Variants in ARHGAP15 observed in about 807,000 individuals in gnomAD.
The protein encoded by ARHGAP15 is Rho GTPase activating protein 15.
In ARHGAP15, 51 loss-of-function variants were observed where a neutral mutation model predicts 63.7. The observed-to-expected ratio is 0.80, with a 90% confidence interval of 0.64 to 1.01. The LOEUF is 1.01. Ranked by LOEUF, ARHGAP15 falls within the 50% of genes least tolerant of loss-of-function variation. The pLI, the probability that ARHGAP15 is intolerant of heterozygous loss-of-function variation, is 0.00. For synonymous variants in ARHGAP15, 191 were observed against 193.8 expected (o/e 0.99, Z 0.12); for missense variants, 560 against 564.6 (o/e 0.99, Z 0.08).
chr2:143,130,481 C>T (rs1170947576), intron 1 of ARHGAP15, among the ~76,000 whole-genome samples: 2 of 152,054 alleles, frequency 1.3e-5, no homozygotes, highest in Non-Finnish European at 2.9e-5. Flanking sequence ...GAAGTGATGG[C>T]CCCCACAACA....
chr2:143,464,355 G>A, intron 8 of ARHGAP15, among the ~76,000 whole-genome samples: 1 of 152,068 alleles, frequency 6.6e-6, no homozygotes, highest in East Asian at 1.9e-4. Context: ...ATAAAGAATA[G>A]ACTGAAAATA....
At chr2:143,173,911 T>C (rs1690906304) in intron 2 of ARHGAP15, among the ~76,000 whole-genome samples, 1 of 152,164 alleles carries the variant, frequency 6.6e-6, no homozygotes, top group South Asian at 2.1e-4. Flanking sequence ...TAATGGAATG[T>C]GCAAAATTAA....
intron 6 of ARHGAP15, among the ~76,000 whole-genome samples, chr2:143,346,942 T>G (rs984325533): frequency 6.6e-6 from 1 of 152,212 alleles, no homozygotes; most frequent in Non-Finnish European, 1.5e-5. Context: ...CTCTACAATT[T>G]GCTTCAGGGC....
intron 2 of ARHGAP15, among the ~76,000 whole-genome samples, chr2:143,198,485 A>C (rs1691977963): frequency 6.6e-6 from 1 of 151,996 alleles, no homozygotes; most frequent in African/African-American, 2.4e-5. Context: ...CTTTATTTTA[A>C]AATAAAATAT....
intron 6 of ARHGAP15, among the ~76,000 whole-genome samples, chr2:143,342,936 G>A (rs185218493): frequency 7.9e-5 from 12 of 151,816 alleles, no homozygotes; most frequent in East Asian, 3.9e-4. Flanking sequence ...CTACCTAACC[G>A]CATATATGTG....
chr2:143,377,461 A>G (rs867741787), intron 6 of ARHGAP15, among the ~76,000 whole-genome samples: 1 of 151,970 alleles, frequency 6.6e-6, no homozygotes, highest in East Asian at 1.9e-4. Flanking sequence ...CTATTATTAA[A>G]TATATTACAT....
chr2:143,634,844 C>A (rs1680222990), intron 12 of ARHGAP15, among the ~76,000 whole-genome samples: 1 of 152,094 alleles, frequency 6.6e-6, no homozygotes, highest in Non-Finnish European at 1.5e-5. Flanking sequence ...CCAAAGCCTA[C>A]CACTTTATTA....
At chr2:143,433,819 TC>T (rs779162255) in intron 6 of ARHGAP15, among the ~76,000 whole-genome samples, 17 of 152,152 alleles carry the variant, frequency 1.1e-4, no homozygotes, top group Non-Finnish European at 2.2e-4. Context: ...TTTGGCTAAT[TC>T]ATTTGTCTTT....
intron 10 of ARHGAP15, among the ~76,000 whole-genome samples, chr2:143,551,644 T>C (rs1204681610): frequency 6.6e-6 from 1 of 152,202 alleles, no homozygotes; most frequent in Admixed American, 6.5e-5. Context: ...AGTTATCCTA[T>C]AGAATAAAAT....
At chr2:143,190,807 A>G (rs903184040) in intron 2 of ARHGAP15, among the ~76,000 whole-genome samples, 2 of 152,112 alleles carry the variant, frequency 1.3e-5, no homozygotes, top group Admixed American at 1.3e-4. Flanking sequence ...TCATCCCCAC[A>G]ACTGCACCCC....
chr2:143,181,598 G>C (rs1691237136), intron 2 of ARHGAP15, among the ~76,000 whole-genome samples: 1 of 152,188 alleles, frequency 6.6e-6, no homozygotes, highest in African/African-American at 2.4e-5. Context: ...TAAACCTCAT[G>C]AACTAACCTC....
intron 12 of ARHGAP15, chr2:143,682,644 C>T (rs2105374156): frequency 6.6e-6 from 1 of 152,300 alleles, no homozygotes; most frequent in African/African-American, 2.4e-5. Context: ...TCCAGGATAT[C>T]TTCCAAGTCT....
intron 6 of ARHGAP15, among the ~76,000 whole-genome samples, chr2:143,400,324 C>T (rs527715000): frequency 3.3e-5 from 5 of 151,998 alleles, no homozygotes; most frequent in African/African-American, 1.2e-4. Flanking sequence ...GGTGGCTCTA[C>T]AGGAGGAGTT....
intron 6 of ARHGAP15, among the ~76,000 whole-genome samples, chr2:143,375,078 C>T (rs1686744179): frequency 6.6e-6 from 1 of 152,156 alleles, no homozygotes; most frequent in Admixed American, 6.5e-5. Context: ...ATATGTTAAT[C>T]ACAGATGTGG....
intron 12 of ARHGAP15, among the ~76,000 whole-genome samples, chr2:143,692,612 T>G (rs1996447): frequency 0.28 from 43,041 of 152,130 alleles, 7,502 homozygotes; most frequent in Admixed American, 0.39. Context: ...TTTAAACCAG[T>G]GTAGCCCTTC....
intron 6 of ARHGAP15, among the ~76,000 whole-genome samples, chr2:143,318,760 A>C (rs950724018): frequency 1.3e-5 from 2 of 152,086 alleles, no homozygotes; most frequent in Admixed American, 6.6e-5. Context: ...TCTATGCCTG[A>C]GTAGAAAGTC....
intron 13 of ARHGAP15, among the ~76,000 whole-genome samples, chr2:143,730,699 A>G (rs1268081843): frequency 1.3e-5 from 2 of 152,106 alleles, no homozygotes; most frequent in African/African-American, 2.4e-5. Context: ...TTTTGTATTT[A>G]GATTTCACAC....
At chr2:143,350,544 G>A (rs1443111963) in intron 6 of ARHGAP15, among the ~76,000 whole-genome samples, 1 of 151,558 alleles carries the variant, frequency 6.6e-6, no homozygotes, top group Non-Finnish European at 1.5e-5. Flanking sequence ...TGTGGGCTGG[G>A]TGTGGTGGCT....
chr2:143,709,779 A>G (rs900137618), intron 13 of ARHGAP15, among the ~76,000 whole-genome samples: 1 of 152,244 alleles, frequency 6.6e-6, no homozygotes, highest in South Asian at 2.1e-4. Flanking sequence ...GTTGTATCAG[A>G]AAACAATGGA....
Sources: allele counts gnomAD v4.1 joint callset (sites outside exome capture counted in the v4.1 genomes callset), GRCh38; gene constraint gnomAD v4.1.1; transcripts MANE v1.5; gene names NCBI Gene and HGNC (gene_info 2026-07-23, HGNC 2026-07-21).